Variants in PRKDC observed in about 807,000 individuals in gnomAD.
The protein encoded by PRKDC is protein kinase, DNA-activated, catalytic subunit.
In PRKDC, 82 loss-of-function variants were observed where a neutral mutation model predicts 486.9. The observed-to-expected ratio is 0.17, with a 90% CI of 0.14 to 0.20. The LOEUF (loss-of-function observed/expected upper bound fraction) is 0.20. Among genes scored for constraint, PRKDC ranks in the 10% least tolerant of loss-of-function variants. The probability of loss-of-function intolerance (pLI) is 1.00; values close to 1 mark genes in which losing one functional copy is unlikely to be tolerated. For synonymous variants in PRKDC, 1,895 were observed against 1,837.0 expected (o/e 1.03, Z -0.81); for missense variants, 4,504 against 5,038.2 (o/e 0.89, Z 3.21).
intron 36 of PRKDC, among the ~76,000 whole-genome samples, chr8:47,884,952 T>C (rs572128990): frequency 1.7e-4 from 26 of 152,286 alleles, no homozygotes; most frequent in Admixed American, 5.2e-4. Context: ...TCTACCGGGG[T>C]GCAGAGACCT....
intron 28 of PRKDC, among the ~76,000 whole-genome samples, 199 bp downstream of exon 28, chr8:47,900,174 G>C (rs1027827707): frequency 2.6e-5 from 4 of 152,240 alleles, no homozygotes; most frequent in Admixed American, 1.3e-4. Flanking sequence ...AGTACATGGT[G>C]AGTCAAAGAA....
chr8:47,872,308 A>C (rs1346093097), intron 40 of PRKDC, among the ~76,000 whole-genome samples: 1 of 152,192 alleles, frequency 6.6e-6, no homozygotes, highest in Non-Finnish European at 1.5e-5. Context: ...AAAAGCTAGA[A>C]ATTAAAACAT....
intron 48 of PRKDC, 49 bp from the exon 49 acceptor site, chr8:47,857,348 C>G: frequency 6.4e-7 from 1 of 1,551,864 alleles, no homozygotes. Flanking sequence ...CTTAAATTGC[C>G]AAAATATTAA....
intron 61 of PRKDC, 30 bp downstream of exon 61, chr8:47,830,575 T>C (rs759638632): frequency 2.5e-6 from 4 of 1,607,768 alleles, no homozygotes; most frequent in African/African-American, 2.7e-5. Context: ...TTTTAACCTG[T>C]CAACAGAAAA....
At chr8:47,959,725 A>C (rs1436539270) in intron 1 of PRKDC, among the ~76,000 whole-genome samples, 1 of 152,060 alleles carries the variant, frequency 6.6e-6, no homozygotes, top group East Asian at 1.9e-4. Flanking sequence ...CACTCTGCAT[A>C]GCAATGATTG....
At chr8:47,948,955 C>T (rs1563819863) in intron 7 of PRKDC, among the ~76,000 whole-genome samples, 1 of 152,202 alleles carries the variant, frequency 6.6e-6, no homozygotes, top group Non-Finnish European at 1.5e-5. Flanking sequence ...TAAAACAATA[C>T]AGATTTATTA....
chr8:47,812,251 A>C (rs1001573053), intron 68 of PRKDC, among the ~76,000 whole-genome samples: 3 of 152,200 alleles, frequency 2.0e-5, no homozygotes, highest in Non-Finnish European at 2.9e-5. Context: ...AAAGACATGG[A>C]AGATCTGAAA....
At chr8:47,942,154 G>C (rs997838228) in intron 10 of PRKDC, among the ~76,000 whole-genome samples, 1 of 152,254 alleles carries the variant, frequency 6.6e-6, no homozygotes, top group Non-Finnish European at 1.5e-5. Flanking sequence ...GTTTATCGCA[G>C]TAAATGTTTA....
rs1196038167 is a variant in PRKDC at position 47,785,230 on chromosome 8, T to C, written c.10990A>G (p.Asn3664Asp). Reference protein sequence around the residue: ...MKLSDFNDITNMLLLKMNKDS... With the variant: ...MKLSDFNDITDMLLLKMNKDS... ...TTGTTCATTTTTAAAAGTAGCATGT[T>C]GGTAATGTCGTTGAAGTCACTGAGC... Residue 3664 changes from asparagine to aspartate, a missense_variant, in exon 77 of 86, where the codon AAC becomes GAC. Asn to Asp is a conservative substitution (Grantham distance 23, BLOSUM62 1). Transcript: ENST00000314191. 6.2e-7 allele frequency: 1 copy of C among 1,613,940 alleles called. No homozygotes were observed. Among genetic ancestry groups the C allele is most frequent in the Non-Finnish European group, 8.5e-7 (1 of 1,179,850 alleles).
Position 47,927,848 on chromosome 8 carries a change from A to G in PRKDC, c.2182T>C (p.Ser728Pro). Residue 728 changes from serine to proline, a missense_variant, in exon 20 of 86, where the codon TCT (serine) becomes CCT (proline). Transcript: ENST00000314191. ...MKQYKDELLA[S>P]CLTFLLSLPH... The stretch of plus-strand genomic sequence containing the variant: ...AAGGACAGAAGAAAGGTCAAACAAG[A>G]GGCCAAAAGTTCATCTTTGTACTGC... The G allele has an allele frequency of 6.3e-7, 1 of 1,598,046 alleles. No individual in the cohort carries two copies.
chr8:47,927,573 A>C (rs1272467664), intron 20 of PRKDC, among the ~76,000 whole-genome samples, 198 bp downstream of exon 20: 1 of 152,114 alleles, frequency 6.6e-6, no homozygotes, highest in Non-Finnish European at 1.5e-5. Flanking sequence ...TTTAACTCTC[A>C]CATCGACCTC....
chr8:47,857,000 C>T (rs755833081), intron 49 of PRKDC, among the ~76,000 whole-genome samples, 156 bp downstream of exon 49: 2 of 152,208 alleles, frequency 1.3e-5, no homozygotes, highest in Admixed American at 1.3e-4. Context: ...CCAAAGCAGG[C>T]TGAGGCCATT....
At chr8:47,805,517 A>C (rs1428480667) in intron 69 of PRKDC, among the ~76,000 whole-genome samples, 1 of 152,160 alleles carries the variant, frequency 6.6e-6, no homozygotes, top group Non-Finnish European at 1.5e-5. Context: ...AGCATTCTTT[A>C]TGAATTCTGG....
At position 47,828,298 on chromosome 8, in the gene PRKDC, A is replaced by C. The variant is rs544979397; in HGVS notation, c.8447T>G (p.Ile2816Ser). 1 of 1,604,426 alleles carries C rather than the reference A, an allele frequency of 6.2e-7. No homozygotes were observed. Among genetic ancestry groups the C allele is most frequent in the Non-Finnish European group, 8.5e-7 (1 of 1,175,364 alleles). ...CTTAAATTTATCCATCTCTTTCAAAATTCCAGAAAACAAGCTGCTAAAGAG... is the reference window on the plus strand; with the variant it reads ...CTTAAATTTATCCATCTCTTTCAAACTTCCAGAAAACAAGCTGCTAAAGAG... The part of the protein sequence containing the change: ...KQLFSSLFSG[I>S]LKEMDKFKTL... Residue 2816 changes from isoleucine (I) to serine (S), a missense_variant, in exon 62 of 86, where the codon ATT becomes AGT. Coordinates refer to ENST00000314191, the MANE Select transcript of PRKDC (RefSeq NM_006904.7).
chr8:47,789,218 T>C lies in PRKDC; in HGVS notation c.10691A>G (p.Gln3564Arg), dbSNP rs1035042573. The change falls in exon 75 of 86, where the codon CAA (glutamine) becomes CGA (arginine). Residue 3564 changes from glutamine (Q) to arginine (R), a missense_variant. By Grantham distance (43) the Gln-to-Arg change is conservative. Coordinates refer to ENST00000314191, the MANE Select transcript of PRKDC (RefSeq NM_006904.7). ...AATAAAATCTTGAATCACTCCTCCT[T>C]GATCCAACTTACTTTTAATCCTATT... ...FVARIKSKLD[Q>R]GGVIQDFINA... is the part of the protein sequence containing the mutation. 2 of 1,592,420 alleles carry C rather than the reference T, an allele frequency of 1.3e-6. No homozygotes were observed. The highest frequency in any genetic ancestry group is 1.3e-5 in the African/African-American group (1 of 74,112).
At chr8:47,881,593 T>C (rs1481418804) in intron 37 of PRKDC, 73 bp from the exon 38 acceptor site, 1 of 791,790 alleles carries the variant, frequency 1.3e-6, no homozygotes, top group Non-Finnish European at 2.0e-6. Flanking sequence ...ATTGCTCAAA[T>C]GTTTAAATTC....
intron 7 of PRKDC, among the ~76,000 whole-genome samples, chr8:47,953,066 G>T (rs976845815): frequency 2.0e-5 from 3 of 152,108 alleles, no homozygotes; most frequent in Non-Finnish European, 4.4e-5. Flanking sequence ...ACTTGAACCA[G>T]GGAGGCAGAG....
intron 10 of PRKDC, among the ~76,000 whole-genome samples, chr8:47,941,898 G>A (rs1163833531): frequency 6.6e-6 from 1 of 152,204 alleles, no homozygotes; most frequent in Non-Finnish European, 1.5e-5. Context: ...TTGGAGTGGG[G>A]GACTGAAAAG....
intron 76 of PRKDC, among the ~76,000 whole-genome samples, chr8:47,787,986 A>G (rs1187487624): frequency 6.6e-6 from 1 of 152,208 alleles, no homozygotes; most frequent in Non-Finnish European, 1.5e-5. Flanking sequence ...TAAAAAGGAT[A>G]AAGCTCTTCC....
Sources: gnomAD v4.1 joint callset for allele counts (sites outside exome capture counted in the v4.1 genomes callset) on GRCh38, gnomAD v4.1.1 for gene constraint, MANE v1.5 for transcripts, NCBI Gene and HGNC (gene_info 2026-07-23, HGNC 2026-07-21) for gene names.